Variants in PARVB observed in about 807,000 individuals in gnomAD.
PARVB encodes the protein beta-parvin.
In PARVB, 46 loss-of-function variants were observed where a neutral mutation model predicts 47.0. The observed-to-expected ratio is 0.98, with a 90% CI of 0.77 to 1.25. PARVB has a LOEUF of 1.25. Ranked by LOEUF, PARVB falls within the 50% of genes most tolerant of loss-of-function variation. PARVB has a pLI of 0.00. For missense variants in PARVB, 473 were observed against 471.6 expected (o/e 1.00, Z -0.03); for synonymous variants, 196 against 196.3 (o/e 1.00, Z 0.01).
At chr22:44,118,067 G>C (rs1214022351) in intron 3 of PARVB, among the ~76,000 whole-genome samples, 2 of 152,074 alleles carry the variant, frequency 1.3e-5, no homozygotes, top group African/African-American at 4.8e-5. Flanking sequence ...AGGCTGGCCT[G>C]GAAAAATGAA....
chr22:44,005,730 C>A (rs1220880244), intron 2 of PARVB, among the ~76,000 whole-genome samples: 1 of 152,132 alleles, frequency 6.6e-6, no homozygotes, highest in East Asian at 1.9e-4. Context: ...TGATTGGTCC[C>A]CTCCCACAAC....
intron 3 of PARVB, chr22:44,102,684 A>G (rs550435116): frequency 3.3e-5 from 5 of 152,212 alleles, no homozygotes; most frequent in Non-Finnish European, 4.4e-5. Flanking sequence ...TACCAAAAAA[A>G]AAAAAATTAA....
rs540296866 is a variant in PARVB at position 44,047,785 on chromosome 22, A to G, written c.112+23334A>G. On this transcript the variant is annotated intron_variant, in intron 1 of 12. Coordinates refer to ENST00000338758, the MANE Select transcript of PARVB (RefSeq NM_013327.5). ...GGGAAAGAGGGGCATAATTCCCCAT[A>G]GAAGAGCCTGTAATCTCAGGGAGCC... is the stretch of plus-strand genomic sequence containing the variant. Among the ~76,000 whole-genome samples the G allele has an allele frequency of 2.0e-5, 3 of 152,302 alleles. No homozygotes were observed. In the East Asian group the frequency reaches 5.8e-4, roughly 29 times the overall value.
chr22:44,118,854 C>T (rs1160968216), intron 3 of PARVB, among the ~76,000 whole-genome samples, 184 bp from the exon 4 acceptor site: 2 of 151,822 alleles, frequency 1.3e-5, no homozygotes, highest in African/African-American at 2.4e-5. Flanking sequence ...CTTGCCCTGT[C>T]CTTGTGGTGG....
intron 1 of PARVB, among the ~76,000 whole-genome samples, chr22:44,080,418 T>C (rs896789849): frequency 6.6e-6 from 1 of 152,220 alleles, no homozygotes; most frequent in Admixed American, 6.5e-5. Flanking sequence ...CCTGCGTTCC[T>C]TAGTGCCTGG....
intron 8 of PARVB, chr22:44,144,545 C>T (rs989683336): frequency 2.0e-5 from 3 of 152,292 alleles, no homozygotes; most frequent in Non-Finnish European, 2.9e-5. Flanking sequence ...CACCTGTAGT[C>T]CCAGCACTTT....
intron 2 of PARVB, among the ~76,000 whole-genome samples, chr22:44,004,649 C>T: frequency 6.6e-6 from 1 of 152,222 alleles, no homozygotes; most frequent in Non-Finnish European, 1.5e-5. Context: ...TTGCTTCCCG[C>T]CTCACGTAGT....
At chr22:44,009,241 C>CA (rs1378656207) in intron 2 of PARVB, among the ~76,000 whole-genome samples, 1 of 152,146 alleles carries the variant, frequency 6.6e-6, no homozygotes, top group Non-Finnish European at 1.5e-5. Context: ...TAATGAGCTA[C>CA]AGTAGGTATG....
intron 2 of PARVB, among the ~76,000 whole-genome samples, chr22:44,007,946 C>T (rs887099236): frequency 6.6e-6 from 1 of 152,134 alleles, no homozygotes; most frequent in Middle Eastern, 3.2e-3. Context: ...ACTGGCATAT[C>T]ACACTAGCAT....
rs1056378055 is a variant in PARVB, at chr22:44,018,186, G to C, written c.211+18513G>C. 2.6e-5 allele frequency among the ~76,000 whole-genome samples: 4 copies of C among 152,266 alleles called. No homozygotes were observed. In the South Asian group the frequency reaches 8.3e-4, roughly 32 times the overall value. ...GGAGGCTGAGGCGGGTGGATCACCT[G>C]AGGTCAGGAGTTTGAGACCAGCCTG... On this transcript the variant is annotated intron_variant, in intron 2 of 13. Transcript: ENST00000406477.
chr22:44,157,834 A>G, intron 10 of PARVB, 148 bp from the exon 11 acceptor site: 1 of 586,194 alleles, frequency 1.7e-6, no homozygotes, highest in East Asian at 3.0e-5. Flanking sequence ...GCCGAGCTGC[A>G]GTGAGCCTTG....
At chr22:44,154,294 T>G (rs1316247573) in intron 10 of PARVB, among the ~76,000 whole-genome samples, 1 of 152,228 alleles carries the variant, frequency 6.6e-6, no homozygotes, top group Non-Finnish European at 1.5e-5. Context: ...GTTACAGAAA[T>G]GCAGGGATTT....
intron 1 of PARVB, among the ~76,000 whole-genome samples, chr22:44,025,684 G>T (rs1282845694): frequency 1.3e-5 from 2 of 151,992 alleles, no homozygotes; most frequent in African/African-American, 4.8e-5. Context: ...GTCGGTGTTG[G>T]TCACGTCTCC....
At chr22:44,160,176 A>G (rs2054021985) in intron 11 of PARVB, among the ~76,000 whole-genome samples, 1 of 152,070 alleles carries the variant, frequency 6.6e-6, no homozygotes, top group Non-Finnish European at 1.5e-5. Context: ...CCTTGCACCC[A>G]TTGGTCATCA....
chr22:44,152,096 T>C (rs1402272236), intron 10 of PARVB: 1 of 153,140 alleles, frequency 6.5e-6, no homozygotes, highest in Non-Finnish European at 1.5e-5. Context: ...TGTTTCCAGA[T>C]ACGGTCACAT....
chr22:44,065,402 C>T (rs957863555), intron 1 of PARVB, among the ~76,000 whole-genome samples: 1 of 152,132 alleles, frequency 6.6e-6, no homozygotes, highest in Non-Finnish European at 1.5e-5. Flanking sequence ...AGCGATCCTC[C>T]TGCCTCGGCC....
rs752375164 is a variant in PARVB, at chr22:44,119,111, A to G, written c.347A>G (p.Tyr116Cys). The G allele has an allele frequency of 3.7e-6, 6 of 1,613,816 alleles. No homozygotes were observed. Among genetic ancestry groups the G allele is most frequent in the Middle Eastern group, 1.6e-4 (1 of 6,062 alleles). The change falls in exon 4 of 13, where the codon TAT becomes TGT. Residue 116 changes from tyrosine to cysteine, a missense_variant. Tyr to Cys is a radical substitution (Grantham distance 194). Transcript: ENST00000338758. ...GTGAAGCAGCTGGAGGAAGACCTGTATGACGGCCAGGTGCTGCAGAAGCTC... is the reference window on the plus strand; with the variant it reads ...GTGAAGCAGCTGGAGGAAGACCTGTGTGACGGCCAGGTGCTGCAGAAGCTC... The part of the protein sequence containing the change: ...IIVKQLEEDL[Y>C]DGQVLQKLLE...
chr22:44,081,620 T>C, intron 1 of PARVB: 3 of 985,304 alleles, frequency 3.0e-6, no homozygotes, highest in South Asian at 4.7e-5. Flanking sequence ...CTTTCCTTTA[T>C]GAAGTGCGTT....
At chr22:44,129,817 C>T (rs569667595) in intron 4 of PARVB, among the ~76,000 whole-genome samples, 7 of 152,258 alleles carry the variant, frequency 4.6e-5, no homozygotes, top group East Asian at 1.9e-4. Context: ...ATGTTTTTTA[C>T]GGGTGTTTAT....
Sources: gnomAD v4.1 joint callset for allele counts (sites outside exome capture counted in the v4.1 genomes callset) on GRCh38, gnomAD v4.1.1 for gene constraint, MANE v1.5 for transcripts, NCBI Gene and HGNC (gene_info 2026-07-23, HGNC 2026-07-21) for gene names.